Variants in GALNT16 observed in about 807,000 individuals in gnomAD.
GALNT16 encodes the protein UDP-GalNAc:polypeptide N-acetylgalactosaminyltransferase-like protein 1.
GALNT16 carries 40 observed loss-of-function variants against 76.1 expected under a neutral mutation model. The observed-to-expected ratio is 0.53, with a 90% confidence interval of 0.41 to 0.68. The LOEUF (loss-of-function observed/expected upper bound fraction) is 0.68, where lower values mean the gene tolerates loss of function less well. Ranked by LOEUF, GALNT16 falls within the 30% of genes least tolerant of loss-of-function variation. The pLI is 0.00. For synonymous variants in GALNT16, 276 were observed against 285.2 expected (o/e 0.97, Z 0.32); for missense variants, 621 against 731.9 (o/e 0.85, Z 1.75).
At position 69,333,398 on chromosome 14, in the gene GALNT16, A is replaced by C; in HGVS notation, c.864-99A>C. The stretch of plus-strand genomic sequence containing the variant: ...ATCCTGCCCCAGTGACTCTGCAGGG[A>C]GGGATCTAGAGGCAGACGGTCTTGG... On this transcript the variant is annotated intron_variant, in intron 8 of 14. Coordinates refer to ENST00000448469, the MANE Select transcript of GALNT16 (RefSeq NM_001168368.2). This position sits in a 1 kb window ranked among gnomAD's most constrained non-coding sequence, Gnocchi z 4.2. The C allele has an allele frequency of 1.3e-6, 1 of 766,068 alleles. No homozygotes were observed. Among genetic ancestry groups the C allele is most frequent in the East Asian group, 2.5e-5 (1 of 39,482 alleles). 47.5% of individuals were successfully genotyped at this position (766,068 alleles called of 1,614,324 possible).
At chr14:69,337,066 T>A (rs1025822671) in intron 9 of GALNT16, among the ~76,000 whole-genome samples, 3 of 152,204 alleles carry the variant, frequency 2.0e-5, no homozygotes, top group African/African-American at 7.2e-5. Flanking sequence ...TTTACTTGCA[T>A]TTTTTTGCCC....
chr14:69,365,746 C>T, the GALNT16 span, among the ~76,000 whole-genome samples: 1 of 151,976 alleles, frequency 6.6e-6, no homozygotes, highest in Non-Finnish European at 1.5e-5. Context: ...TATGTAACAA[C>T]CCTGCACATC....
the GALNT16 span, among the ~76,000 whole-genome samples, chr14:69,363,518 T>G: frequency 1.3e-5 from 2 of 152,176 alleles, no homozygotes; most frequent in African/African-American, 4.8e-5. Flanking sequence ...TTAGGGGTGC[T>G]GTGAGATTTA....
chr14:69,350,227 C>T (rs974637676), intron 14 of GALNT16: 2 of 152,238 alleles, frequency 1.3e-5, no homozygotes, highest in African/African-American at 4.8e-5. Flanking sequence ...AACAAAATGT[C>T]ACTGGGTGCC....
intron 2 of GALNT16, among the ~76,000 whole-genome samples, chr14:69,322,555 G>A (rs1260294221): frequency 6.6e-6 from 1 of 152,232 alleles, no homozygotes; most frequent in African/African-American, 2.4e-5. Context: ...CAGGGTAGTG[G>A]TGGGTTGATG....
chr14:69,296,252 G>A (rs1231242769), intron 1 of GALNT16, among the ~76,000 whole-genome samples: 2 of 152,128 alleles, frequency 1.3e-5, no homozygotes, highest in African/African-American at 4.8e-5. Context: ...CACCAAGGGG[G>A]ATGGTGTTAA....
intron 1 of GALNT16, among the ~76,000 whole-genome samples, chr14:69,297,112 CAT>C (rs2044777927): frequency 6.6e-6 from 1 of 152,214 alleles, no homozygotes; most frequent in Non-Finnish European, 1.5e-5. Context: ...TTGCCTTGTA[CAT>C]ATGTCATTCA....
Position 69,333,355 on chromosome 14 carries a change from C to T in GALNT16, c.864-142C>T. On this transcript the variant is annotated intron_variant, in intron 8 of 14. Coordinates refer to ENST00000448469, the MANE Select transcript of GALNT16 (RefSeq NM_001168368.2). The surrounding 1 kb of genome is among the most constrained non-coding windows in gnomAD (Gnocchi z 4.2). ...AGGCCACGGGAACAGATGTGGGGGG[C>T]CAGGGAGCTGGCCAGACATCCTGCC... 1 of 708,420 alleles carries T rather than the reference C, an allele frequency of 1.4e-6. No homozygotes were observed. The highest frequency in any genetic ancestry group is 1.6e-5 in the South Asian group (1 of 62,604). The allele number at this position is 708,420 out of a possible 1,614,324, so 43.9% of individuals were successfully genotyped here.
chr14:69,365,682 A>C, the GALNT16 span, among the ~76,000 whole-genome samples: 1 of 152,172 alleles, frequency 6.6e-6, no homozygotes, highest in Non-Finnish European at 1.5e-5. Context: ...GCTGGGCTTA[A>C]TACCTAGGTG....
chr14:69,334,085 C>T (rs1221692944), intron 9 of GALNT16, among the ~76,000 whole-genome samples: 1 of 152,240 alleles, frequency 6.6e-6, no homozygotes, highest in East Asian at 1.9e-4. Context: ...GTCTGAGTTT[C>T]CTCAAGAGGT....
intron 2 of GALNT16, among the ~76,000 whole-genome samples, chr14:69,322,969 TGTGTGTGTGTGTGCGC>T (rs1394208834): frequency 3.0e-5 from 2 of 66,970 alleles, no homozygotes; most frequent in African/African-American, 2.3e-4. Context: ...TGTGTGTGTG[TGTGTGTGTGTGTGCGC>T]GCGCACGCGC....
chr14:69,276,819 G>A (rs2140110930), intron 1 of GALNT16, among the ~76,000 whole-genome samples: 1 of 152,212 alleles, frequency 6.6e-6, no homozygotes, highest in East Asian at 1.9e-4. Context: ...TTTAAAGCAT[G>A]TTTAAAGTAA....
At chr14:69,308,255 T>G (rs951825135) in intron 1 of GALNT16, among the ~76,000 whole-genome samples, 1 of 151,364 alleles carries the variant, frequency 6.6e-6, no homozygotes, top group Admixed American at 6.6e-5. Flanking sequence ...GGTTCACCTG[T>G]TTCTTAAAAA....
intron 1 of GALNT16, among the ~76,000 whole-genome samples, chr14:69,271,777 A>T (rs1372310900): frequency 1.3e-5 from 2 of 152,258 alleles, no homozygotes; most frequent in Non-Finnish European, 2.9e-5. Context: ...TGAAATCTCA[A>T]TACAGATCAA....
chr14:69,335,913 AGATGTGTTGGG>A, intron 9 of GALNT16, among the ~76,000 whole-genome samples: 1 of 152,262 alleles, frequency 6.6e-6, no homozygotes, highest in East Asian at 1.9e-4. Flanking sequence ...TCCCCAACAA[AGATGTGTTGGG>A]GATCCTTTTA....
intron 1 of GALNT16, among the ~76,000 whole-genome samples, chr14:69,293,540 A>G (rs961193709): frequency 1.3e-5 from 2 of 152,206 alleles, no homozygotes; most frequent in African/African-American, 4.8e-5. Context: ...TTTAATTCTC[A>G]TAACAACCTG....
chr14:69,358,905 C>T (rs12879627), downstream of GALNT16: 19,282 of 152,276 alleles, frequency 0.13, 1,350 homozygotes, highest in East Asian at 0.18. Context: ...TCGTGTAGTG[C>T]GAAGTTGCTT....
intron 1 of GALNT16, among the ~76,000 whole-genome samples, chr14:69,285,268 C>T (rs1429555487): frequency 9.9e-5 from 15 of 152,150 alleles, no homozygotes; most frequent in Admixed American, 9.8e-4. Flanking sequence ...TCTCGATCTC[C>T]TGACCTCGGC....
At chr14:69,306,359 T>G (rs1393167162) in intron 1 of GALNT16, among the ~76,000 whole-genome samples, 1 of 152,238 alleles carries the variant, frequency 6.6e-6, no homozygotes, top group African/African-American at 2.4e-5. Flanking sequence ...GAAAGACCCC[T>G]AAAATTGAAT....
Sources: gnomAD v4.1 joint callset for allele counts (sites outside exome capture counted in the v4.1 genomes callset) on GRCh38, gnomAD v4.1.1 for gene constraint, Gnocchi (gnomAD v3.1) non-coding constraint, MANE v1.5 for transcripts, NCBI Gene and HGNC (gene_info 2026-07-23, HGNC 2026-07-21) for gene names.